TSLP: variants seen among roughly 807,000 people sequenced by gnomAD.
TSLP encodes the protein thymic stromal lymphopoietin.
In TSLP, 12 loss-of-function variants were observed where a neutral mutation model predicts 12.4. That is an observed-to-expected ratio of 0.97 (90% confidence interval 0.62 to 1.57). The LOEUF (loss-of-function observed/expected upper bound fraction) is 1.57. Among genes scored for constraint, TSLP ranks in the 40% most tolerant of loss-of-function variants. TSLP has a pLI of 0.00. For missense variants in TSLP, 222 were observed against 189.6 expected (o/e 1.17, Z -1.00); for synonymous variants, 97 against 69.5 (o/e 1.40, Z -1.97).
chr5:111,077,255 T>C lies in TSLP; in HGVS notation c.*1181T>C, dbSNP rs984260595. On this transcript the variant is annotated 3_prime_UTR_variant, in exon 4 of 4. Coordinates refer to ENST00000344895, the MANE Select transcript of TSLP (RefSeq NM_033035.5). ...CCTCTAATTACTCCCTGAGGGTTAG[T>C]TGGGGCTAAACCATGACAGAAGTGG... The C allele has an allele frequency of 2.0e-5, 3 of 152,244 alleles. No homozygotes were observed. Among genetic ancestry groups the C allele is most frequent in the Admixed American group, 1.3e-4 (2 of 15,290 alleles). 9.4% of individuals were successfully genotyped at this position (152,244 alleles called of 1,614,324 possible).
chr5:111,075,598 C>G (rs1752478692), intron 3 of TSLP, among the ~76,000 whole-genome samples: 1 of 152,146 alleles, frequency 6.6e-6, no homozygotes, highest in Non-Finnish European at 1.5e-5. Flanking sequence ...ACACTGTATT[C>G]AGTGCTATGG....
chr5:111,074,145 G>A (rs1033881490), intron 3 of TSLP, among the ~76,000 whole-genome samples: 1 of 152,094 alleles, frequency 6.6e-6, no homozygotes, highest in Non-Finnish European at 1.5e-5. Context: ...TCCTATGTTT[G>A]CTTAATTGCT....
In TSLP at chr5:111,073,580, G is replaced by C. The variant is rs941745525; in HGVS notation, c.286G>C (p.Glu96Gln). ...CGCCGGCTGCGCGTCGCTCGCCAAAGAAATGTTCGCCATGAAAACTAAGGC... is the reference window on the plus strand; with the variant it reads ...CGCCGGCTGCGCGTCGCTCGCCAAACAAATGTTCGCCATGAAAACTAAGGC... The part of the protein sequence containing the change: ...PTAGCASLAK[E>Q]MFAMKTKAAL... Residue 96 changes from glutamate (E) to glutamine (Q), a missense_variant, in exon 3 of 4, where the codon GAA becomes CAA. Physicochemically the swap from Glu to Gln is conservative, Grantham distance 29. Coordinates refer to ENST00000344895, the MANE Select transcript of TSLP (RefSeq NM_033035.5). 6.2e-7 allele frequency: 1 copy of C among 1,614,064 alleles called. No individual in the cohort carries two copies. Among genetic ancestry groups the C allele is most frequent in the Non-Finnish European group, 8.5e-7 (1 of 1,180,040 alleles).
chr5:111,076,210 C>G lies in TSLP; in HGVS notation c.*136C>G, dbSNP rs924746683. ...AATTACAGAAGAGTTTCTTAACTTA[C>G]TTTTGTAAGTTTTTATTGTGTAAGT... On this transcript the variant is annotated 3_prime_UTR_variant, in exon 4 of 4. Coordinates refer to ENST00000344895, the MANE Select transcript of TSLP (RefSeq NM_033035.5). The G allele has an allele frequency of 2.8e-6, 3 of 1,070,668 alleles. No homozygotes were observed. In the Admixed American group the frequency reaches 8.1e-5, roughly 29 times the overall value. The allele number at this position is 1,070,668 out of a possible 1,614,324, so 66.3% of individuals were successfully genotyped here.
chr5:111,072,142 A>G, intron 1 of TSLP, 81 bp downstream of exon 1: 1 of 1,221,992 alleles, frequency 8.2e-7, no homozygotes, highest in Non-Finnish European at 1.1e-6. Context: ...TTAACTTTGT[A>G]GGAAAGAAAA....
chr5:111,073,869 C>G (rs555788484), intron 3 of TSLP, among the ~76,000 whole-genome samples: 18 of 152,318 alleles, frequency 1.2e-4, no homozygotes, highest in African/African-American at 4.1e-4. Context: ...AATTATGGTT[C>G]TAAACCTTAG....
Position 111,075,220 on chromosome 5 carries a change from G to GT in TSLP, c.352-719dup, listed in dbSNP as rs774404426. Among the ~76,000 whole-genome samples, 7 of 152,036 alleles carry GT rather than the reference G, an allele frequency of 4.6e-5. No homozygotes were observed. The East Asian group carries it at 5.8e-4, about 13-fold the overall frequency. ...AAGACTAATAATAATGATTTTGCAG[G>GT]TTTTTTTAAGATTTGTGCTTAATAA... On this transcript the variant is annotated intron_variant, in intron 3 of 3. Transcript: ENST00000344895.
At position 111,077,863 on chromosome 5, in the gene TSLP, TG is replaced by T; in HGVS notation, c.*1790del. ...CAATTAAAAGTAATGGGCAAGAGAT[TG>T]CATCATACTAATTTAGTAAGAACGT... On this transcript the variant is annotated 3_prime_UTR_variant, in exon 4 of 4. Transcript: ENST00000344895. The T allele has an allele frequency of 6.6e-6, 1 of 152,622 alleles. No homozygotes were observed. The highest frequency in any genetic ancestry group is 2.1e-4 in the South Asian group (1 of 4,818). The allele number at this position is 152,622 out of a possible 1,614,324, so 9.5% of individuals were successfully genotyped here.
intron 1 of TSLP, 54 bp downstream of exon 1, chr5:111,072,115 T>C (rs1436086473): frequency 1.9e-5 from 27 of 1,431,726 alleles, no homozygotes; most frequent in Non-Finnish European, 2.5e-5. Context: ...GGAGTCGGCA[T>C]ACACACACTC....
In TSLP at chr5:111,071,834, TA is replaced by T. The variant is rs1752343529; in HGVS notation, c.-56del. 6.3e-7 allele frequency: 1 copy of T among 1,584,020 alleles called. No homozygotes were observed. The highest frequency in any genetic ancestry group is 8.6e-7 in the Non-Finnish European group (1 of 1,160,956). On this transcript the variant is annotated 5_prime_UTR_variant, in exon 1 of 4. Coordinates refer to ENST00000344895, the MANE Select transcript of TSLP (RefSeq NM_033035.5). ...CCTAAGGCAGGCCTTACAGATCTCT[TA>T]CACTCGTGGTGGGAAGAGTTTAGTG...
intron 1 of TSLP, 56 bp from the exon 2 acceptor site, chr5:111,072,832 T>A (rs201695215): frequency 1.9e-6 from 3 of 1,581,964 alleles, no homozygotes; most frequent in Non-Finnish European, 1.7e-6. Flanking sequence ...GAGGGATGAT[T>A]TTCCTTGTGG....
chr5:111,076,049 A>G lies in TSLP; in HGVS notation c.455A>G (p.Asn152Ser), dbSNP rs374398822. 1.9e-5 allele frequency: 31 copies of G among 1,614,018 alleles called. 1 individual carries two copies. The highest frequency in any genetic ancestry group is 1.6e-4 in the Middle Eastern group (1 of 6,084). The change falls in exon 4 of 4, where the codon AAT becomes AGT. Residue 152 changes from asparagine (N) to serine (S), a missense_variant. Asn to Ser is a conservative substitution (Grantham distance 46). Transcript: ENST00000344895. Reference sequence around the variant, plus strand: ...TTACAAGGATTGTGGCGTCGCTTCAATCGACCTTTACTGAAACAACAGTAA... The same window carrying G: ...TTACAAGGATTGTGGCGTCGCTTCAGTCGACCTTTACTGAAACAACAGTAA... Reference protein sequence around the residue: ...SQLQGLWRRFNRPLLKQQ With the variant: ...SQLQGLWRRFSRPLLKQQ
At chr5:111,071,651 C>G (rs1580375038), upstream of TSLP, 4 of 1,426,030 alleles carry the variant, frequency 2.8e-6, no homozygotes, top group Non-Finnish European at 3.7e-6. Context: ...AATCATTGGC[C>G]TAGGAGAAAA....
chr5:111,071,937 A>T lies in TSLP; in HGVS notation c.47A>T (p.Lys16Ile). 6.2e-7 allele frequency: 1 copy of T among 1,614,232 alleles called. No individual in the cohort carries two copies. Among genetic ancestry groups the T allele is most frequent in the Non-Finnish European group, 8.5e-7 (1 of 1,180,034 alleles). Reference protein sequence around the residue: ...LLYVLSVSFRKIFILQLVGLV... With the variant: ...LLYVLSVSFRIIFILQLVGLV... ...TATGTTCTGTCAGTTTCTTTCAGGA[A>T]AATCTTCATCTTACAACTTGTAGGG... The change falls in exon 1 of 4, where the codon AAA becomes ATA. Residue 16 changes from lysine to isoleucine, a missense_variant. Transcript: ENST00000344895.
intron 2 of TSLP, 134 bp downstream of exon 2, chr5:111,073,066 A>G: frequency 9.2e-7 from 1 of 1,089,432 alleles, no homozygotes; most frequent in Non-Finnish European, 1.4e-6. Flanking sequence ...GAAAGGGGAC[A>G]TCTGGGCTGT....
intron 2 of TSLP, 129 bp downstream of exon 2, chr5:111,073,061 G>A (rs979892509): frequency 8.9e-6 from 10 of 1,117,964 alleles, no homozygotes; most frequent in South Asian, 2.7e-5. Context: ...CGGGGGAAAG[G>A]GGACATCTGG....
chr5:111,075,102 C>T (rs1302215934), intron 3 of TSLP, among the ~76,000 whole-genome samples: 1 of 152,074 alleles, frequency 6.6e-6, no homozygotes, highest in African/African-American at 2.4e-5. Flanking sequence ...AGAGCACAAA[C>T]AAAAAGCTAG....
rs1036130761 is a variant in TSLP at position 111,077,940 on chromosome 5, A to G, written c.*1866A>G. ...CATACATCTCTGGTTTTTTAAATGT[A>G]TTGAGGCTTTCTTGGTGGACTAGTA... On this transcript the variant is annotated 3_prime_UTR_variant, in exon 4 of 4. Transcript: ENST00000344895. 2 of 152,574 alleles carry G rather than the reference A, an allele frequency of 1.3e-5. No individual in the cohort carries two copies. The highest frequency in any genetic ancestry group is 4.8e-5 in the African/African-American group (2 of 41,434). The allele number at this position is 152,574 out of a possible 1,614,324, so 9.5% of individuals were successfully genotyped here.
In TSLP at chr5:111,071,767, G is replaced by C. The variant is rs1246762679; in HGVS notation, c.-124G>C. 1.5e-6 allele frequency: 2 copies of C among 1,310,372 alleles called. No individual in the cohort carries two copies. The highest frequency in any genetic ancestry group is 3.0e-5 in the African/African-American group (2 of 67,690). The allele number at this position is 1,310,372 out of a possible 1,614,324, so 81.2% of individuals were successfully genotyped here. On this transcript the variant is annotated 5_prime_UTR_variant, in exon 1 of 4. Coordinates refer to ENST00000344895, the MANE Select transcript of TSLP (RefSeq NM_033035.5). ...CATGGGTGAATAAGGGCTTCCTGTG[G>C]ACTGGCAATGAGAGGCAAAACCTGG... is the stretch of plus-strand genomic sequence containing the variant.
Sources: gnomAD v4.1 joint callset for allele counts (sites outside exome capture counted in the v4.1 genomes callset) on GRCh38, gnomAD v4.1.1 for gene constraint, MANE v1.5 for transcripts, NCBI Gene and HGNC (gene_info 2026-07-23, HGNC 2026-07-21) for gene names.